Variants in HHIPL1 observed in about 807,000 individuals in gnomAD.
The protein encoded by HHIPL1 is HHIP-like protein 1.
A neutral mutation model predicts 61.8 loss-of-function variants in HHIPL1; 43 were observed. The observed-to-expected ratio is 0.70, with a 90% CI of 0.55 to 0.90. The LOEUF is 0.90. Among genes scored for constraint, HHIPL1 ranks in the 40% least tolerant of loss-of-function variants. The probability of loss-of-function intolerance (pLI) is 0.00; values close to 1 mark genes in which losing one functional copy is unlikely to be tolerated. For synonymous variants in HHIPL1, 482 were observed against 515.8 expected, an observed-to-expected ratio of 0.93 and a Z score of 0.89; for missense variants, 1,056 against 1,157.7, an observed-to-expected ratio of 0.91 and a Z score of 1.28.
Position 99,652,818 on chromosome 14 carries a change from G to A in HHIPL1, c.850G>A (p.Glu284Lys), listed in dbSNP as rs779791168. 1.8e-5 allele frequency: 29 copies of A among 1,614,008 alleles called. No individual in the cohort carries two copies. The highest frequency in any genetic ancestry group is 3.3e-5 in the South Asian group (3 of 91,084). ...CAGCAGTGAGTGGATCCGCATCAGC[G>A]AGTTCAGAGTCTCCGAGGATGACGA... is the stretch of plus-strand genomic sequence containing the variant. ...IRSSEWIRIS[E>K]FRVSEDDENA... Residue 284 changes from glutamate (E) to lysine (K), a missense_variant, in exon 2 of 9, where the codon GAG (glutamate) becomes AAG (lysine). Glu to Lys is a moderately conservative substitution (Grantham distance 56). Transcript: ENST00000330710.
chr14:99,660,675 C>A lies in HHIPL1; in HGVS notation c.1502+269C>A, dbSNP rs1420143979. Among the ~76,000 whole-genome samples, 1 of 152,186 alleles carries A rather than the reference C, an allele frequency of 6.6e-6. No homozygotes were observed. Among genetic ancestry groups the A allele is most frequent in the Non-Finnish European group, 1.5e-5 (1 of 68,024 alleles). On this transcript the variant is annotated intron_variant, in intron 5 of 8. Coordinates refer to ENST00000330710, the MANE Select transcript of HHIPL1 (RefSeq NM_001127258.3). The surrounding 1 kb of genome is among the most constrained non-coding windows in gnomAD (Gnocchi z 4.9). ...TGGAGGCTTGCTTAAGTGCGGGTCC[C>A]GTGGTCTTCCTCTCCCTCCTGAGAA... is the stretch of plus-strand genomic sequence containing the variant.
At chr14:99,661,419 A>AGG (rs1595161897) in intron 5 of HHIPL1, among the ~76,000 whole-genome samples, 85 of 145,458 alleles carry the variant, frequency 5.8e-4, no homozygotes, top group African/African-American at 2.0e-3. Flanking sequence ...GAGAGAGAGA[A>AGG]AAGAAGGAAG....
At chr14:99,637,126 A>AAG in the HHIPL1 span, among the ~76,000 whole-genome samples, 2 of 126,292 alleles carry the variant, frequency 1.6e-5, 1 homozygote, top group African/African-American at 6.0e-5. Flanking sequence ...AAAGAAAAGA[A>AAG]AGAGAGAGAG....
At chr14:99,637,140 AAG>A in the HHIPL1 span, among the ~76,000 whole-genome samples, 1 of 139,824 alleles carries the variant, frequency 7.2e-6, no homozygotes, top group Non-Finnish European at 1.5e-5. Context: ...GAGAGAGAGA[AAG>A]GGAGGCAGAA....
At position 99,659,852 on chromosome 14, in the gene HHIPL1, C is replaced by T. The variant is rs1289073364; in HGVS notation, c.1375+96C>T. The T allele has an allele frequency of 1.1e-5, 6 of 561,370 alleles. 1 individual carries two copies. Among genetic ancestry groups the T allele is most frequent in the Non-Finnish European group, 1.6e-5 (6 of 376,864 alleles). 34.8% of individuals were successfully genotyped at this position (561,370 alleles called of 1,614,324 possible). ...GGCCTCCCTCGGAGACCGCACCCCC[C>T]CCCCCCCGGAGATCCCTGACCCTGA... On this transcript the variant is annotated intron_variant, in intron 4 of 8. Coordinates refer to ENST00000330710, the MANE Select transcript of HHIPL1 (RefSeq NM_001127258.3).
At chr14:99,610,185 C>G in the HHIPL1 span, among the ~76,000 whole-genome samples, 1 of 152,212 alleles carries the variant, frequency 6.6e-6, no homozygotes, top group African/African-American at 2.4e-5. Context: ...GCTCAACATA[C>G]TGGGGAAACT....
the HHIPL1 span, among the ~76,000 whole-genome samples, chr14:99,604,967 G>A: frequency 9.2e-5 from 14 of 152,306 alleles, no homozygotes; most frequent in African/African-American, 2.6e-4. Context: ...TCCACTCCTA[G>A]CCCAGGGCTG....
intron 2 of HHIPL1, among the ~76,000 whole-genome samples, chr14:99,656,350 C>CTGTG (rs1308290574): frequency 6.6e-6 from 1 of 152,186 alleles, no homozygotes; most frequent in East Asian, 1.9e-4. Context: ...TACCTGTGGG[C>CTGTG]TGTGTGACCT....
chr14:99,652,891 G>A (rs555211120), intron 2 of HHIPL1, 21 bp downstream of exon 2: 39 of 1,603,538 alleles, frequency 2.4e-5, no homozygotes, highest in Middle Eastern at 1.7e-4. Flanking sequence ...TGGGGAACCC[G>A]GGCCTGGGTG....
At chr14:99,649,414 G>A (rs2055891375) in intron 1 of HHIPL1, among the ~76,000 whole-genome samples, 1 of 152,232 alleles carries the variant, frequency 6.6e-6, no homozygotes, top group African/African-American at 2.4e-5. Context: ...CACCAGTCCA[G>A]GCATCATGAG....
At chr14:99,621,778 C>T in the HHIPL1 span, among the ~76,000 whole-genome samples, 125 of 118,292 alleles carry the variant, frequency 1.1e-3, no homozygotes, top group African/African-American at 3.6e-3. Flanking sequence ...TGCAGTGATG[C>T]GATCTTGGCT....
intron 8 of HHIPL1, among the ~76,000 whole-genome samples, chr14:99,674,824 A>G (rs2056367444): frequency 6.6e-6 from 1 of 152,174 alleles, no homozygotes; most frequent in Non-Finnish European, 1.5e-5. Flanking sequence ...AGACTGGCAC[A>G]AAGCAGTTGA....
chr14:99,646,833 A>G (rs1199509546), intron 1 of HHIPL1, among the ~76,000 whole-genome samples: 7 of 78,932 alleles, frequency 8.9e-5, no homozygotes, highest in South Asian at 3.2e-4. Flanking sequence ...ATATGATATG[A>G]TATAATATAA....
chr14:99,661,421 A>AGGAAGGAAG (rs1555378192), intron 5 of HHIPL1, among the ~76,000 whole-genome samples: 35 of 143,504 alleles, frequency 2.4e-4, no homozygotes, highest in African/African-American at 8.1e-4. Context: ...GAGAGAGAAA[A>AGGAAGGAAG]GAAGGAAGGA....
At chr14:99,665,257 G>T (rs147028094) in intron 6 of HHIPL1, among the ~76,000 whole-genome samples, 1 of 152,182 alleles carries the variant, frequency 6.6e-6, no homozygotes, top group East Asian at 1.9e-4. Flanking sequence ...ATGGACAGCT[G>T]TGCAGAAATG....
the HHIPL1 span, among the ~76,000 whole-genome samples, chr14:99,612,583 G>A: frequency 6.6e-6 from 1 of 152,198 alleles, no homozygotes; most frequent in African/African-American, 2.4e-5. Context: ...TCAAGTGACA[G>A]ATTCCAGGCC....
chr14:99,649,929 C>G (rs2055899107), intron 1 of HHIPL1, among the ~76,000 whole-genome samples: 1 of 152,220 alleles, frequency 6.6e-6, no homozygotes, highest in South Asian at 2.1e-4. Context: ...CCCAGTGAAC[C>G]ATGGGAGGGA....
At chr14:99,615,810 C>T in the HHIPL1 span, among the ~76,000 whole-genome samples, 3 of 152,184 alleles carry the variant, frequency 2.0e-5, no homozygotes, top group Middle Eastern at 3.4e-3. Context: ...AAGCAATCAG[C>T]GCAGATTTGA....
chr14:99,629,490 A>G, the HHIPL1 span, among the ~76,000 whole-genome samples: 1 of 143,242 alleles, frequency 7.0e-6, no homozygotes, highest in Non-Finnish European at 1.5e-5. Flanking sequence ...TGTTCACTGA[A>G]TTTCGTTTTA....
Sources: allele counts gnomAD v4.1 joint callset (sites outside exome capture counted in the v4.1 genomes callset), GRCh38; gene constraint gnomAD v4.1.1; non-coding constraint Gnocchi (gnomAD v3.1); transcripts MANE v1.5; gene names NCBI Gene and HGNC (gene_info 2026-07-23, HGNC 2026-07-21).